AFG2A: variants seen among roughly 807,000 people sequenced by gnomAD.
The protein encoded by AFG2A is AAA ATPase AFG2A.
chr4:122,992,244 G>A, the AFG2A span, among the ~76,000 whole-genome samples: 10 of 152,106 alleles, frequency 6.6e-5, no homozygotes, highest in Non-Finnish European at 1.2e-4. Context: ...TTATTTTCCT[G>A]TAATACAGTA....
At chr4:123,081,271 C>T in the AFG2A span, among the ~76,000 whole-genome samples, 2 of 152,196 alleles carry the variant, frequency 1.3e-5, no homozygotes, top group Admixed American at 6.5e-5. Flanking sequence ...ATTTCTGCCT[C>T]CTCTGTAACC....
the AFG2A span, among the ~76,000 whole-genome samples, chr4:123,136,728 G>A: frequency 2.0e-5 from 3 of 150,980 alleles, no homozygotes; most frequent in East Asian, 1.9e-4. Flanking sequence ...TGTAATCCTC[G>A]CTACTTGGGA....
the AFG2A span, among the ~76,000 whole-genome samples, chr4:123,206,788 C>T: frequency 6.6e-6 from 1 of 152,020 alleles, no homozygotes; most frequent in Non-Finnish European, 1.5e-5. Context: ...CTGACAGTAG[C>T]TTTTTTCTAT....
At chr4:122,929,481 C>T in the AFG2A span, among the ~76,000 whole-genome samples, 2 of 152,066 alleles carry the variant, frequency 1.3e-5, no homozygotes, top group Non-Finnish European at 2.9e-5. Flanking sequence ...ATTACTTGAG[C>T]TCAGGAGTTC....
chr4:123,187,311 G>C, the AFG2A span, among the ~76,000 whole-genome samples: 1 of 152,056 alleles, frequency 6.6e-6, no homozygotes, highest in East Asian at 1.9e-4. Context: ...GAAGTTGTTT[G>C]CATCAACTTG....
At chr4:122,991,166 G>A in the AFG2A span, among the ~76,000 whole-genome samples, 4 of 152,128 alleles carry the variant, frequency 2.6e-5, no homozygotes, top group African/African-American at 9.7e-5. Context: ...TTGCCCTTTT[G>A]TGTGCAGTTT....
chr4:123,080,106 C>T, the AFG2A span, among the ~76,000 whole-genome samples: 1 of 152,150 alleles, frequency 6.6e-6, no homozygotes, highest in African/African-American at 2.4e-5. Flanking sequence ...TTCTTCTTCT[C>T]TGATACCCGT....
chr4:123,151,531 AAG>A, the AFG2A span, among the ~76,000 whole-genome samples: 1 of 152,234 alleles, frequency 6.6e-6, no homozygotes, highest in Non-Finnish European at 1.5e-5. Flanking sequence ...ATAAGAAAAA[AAG>A]GTCATCACTG....
At chr4:123,213,593 G>A in the AFG2A span, among the ~76,000 whole-genome samples, 1 of 152,166 alleles carries the variant, frequency 6.6e-6, no homozygotes, top group East Asian at 1.9e-4. Context: ...AATATTAAAT[G>A]TGGGACTTAC....
chr4:123,232,264 G>A, the AFG2A span, among the ~76,000 whole-genome samples: 1 of 151,996 alleles, frequency 6.6e-6, no homozygotes, highest in African/African-American at 2.4e-5. Context: ...AAAGAAGAAA[G>A]TTAAGTATAA....
chr4:123,176,724 T>C, the AFG2A span, among the ~76,000 whole-genome samples: 1 of 152,144 alleles, frequency 6.6e-6, no homozygotes, highest in Non-Finnish European at 1.5e-5. Context: ...TGATAATTCA[T>C]TTTCAGCAGC....
the AFG2A span, among the ~76,000 whole-genome samples, chr4:123,301,924 C>A: frequency 5.3e-5 from 8 of 152,124 alleles, no homozygotes; most frequent in Non-Finnish European, 1.0e-4. Context: ...AACCCACCCC[C>A]ACCAAATATG....
chr4:123,083,962 G>A, the AFG2A span, among the ~76,000 whole-genome samples: 1 of 152,012 alleles, frequency 6.6e-6, no homozygotes, highest in African/African-American at 2.4e-5. Flanking sequence ...GTTTTGAAAG[G>A]TTATTAATTA....
chr4:123,063,604 G>A, the AFG2A span, among the ~76,000 whole-genome samples: 1 of 152,036 alleles, frequency 6.6e-6, no homozygotes, highest in Non-Finnish European at 1.5e-5. Context: ...AAATTAGCTG[G>A]GCGTGGTGGC....
the AFG2A span, among the ~76,000 whole-genome samples, chr4:123,230,986 T>A: frequency 1.3e-5 from 2 of 151,994 alleles, no homozygotes; most frequent in Non-Finnish European, 2.9e-5. Flanking sequence ...CTTGCAGGCT[T>A]GGTTGTTCCA....
At chr4:122,927,621 T>C in the AFG2A span, 1 of 1,591,432 alleles carries the variant, frequency 6.3e-7, no homozygotes, top group Non-Finnish European at 8.5e-7. Context: ...AATAATTTTC[T>C]TTTCCTTCAT....
the AFG2A span, among the ~76,000 whole-genome samples, chr4:123,183,197 C>T: frequency 1.3e-5 from 2 of 152,078 alleles, no homozygotes; most frequent in African/African-American, 4.8e-5. Flanking sequence ...TACTTACTAC[C>T]TGTATGAATT....
the AFG2A span, among the ~76,000 whole-genome samples, chr4:123,025,132 TAGA>T: frequency 2.0e-5 from 3 of 152,198 alleles, no homozygotes; most frequent in African/African-American, 7.2e-5. Flanking sequence ...AGAGACACAC[TAGA>T]AGGACTGTAT....
chr4:123,228,805 T>C, the AFG2A span, among the ~76,000 whole-genome samples: 4,903 of 152,126 alleles, frequency 0.032, 275 homozygotes, highest in African/African-American at 0.11. Flanking sequence ...TGTCTCCTCT[T>C]ACTATTAACC....
Sources: allele counts gnomAD v4.1 joint callset (sites outside exome capture counted in the v4.1 genomes callset), GRCh38; gene constraint gnomAD v4.1.1; transcripts MANE v1.5; gene names NCBI Gene and HGNC (gene_info 2026-07-23, HGNC 2026-07-21).